The following MACROD1 variants were observed in gnomAD, a reference collection of about 807,000 sequenced individuals.
MACROD1 encodes mono-ADP ribosylhydrolase 1, also known as ADP-ribose glycohydrolase MACROD1.
In MACROD1, 31 loss-of-function variants were observed where a neutral mutation model predicts 41.4. That is an observed-to-expected ratio of 0.75 (90% CI 0.56 to 1.01). The LOEUF (loss-of-function observed/expected upper bound fraction) is 1.01. MACROD1 is among the 50% of genes least tolerant of loss of function. MACROD1 has a pLI of 0.00. For missense variants in MACROD1, 473 were observed against 460.0 expected, an observed-to-expected ratio of 1.03 and a Z score of -0.26; for synonymous variants, 252 against 203.4, an observed-to-expected ratio of 1.24 and a Z score of -2.03.
chr11:64,020,048 A>G (rs1289256172), intron 3 of MACROD1, among the ~76,000 whole-genome samples: 3 of 152,188 alleles, frequency 2.0e-5, no homozygotes, highest in African/African-American at 7.2e-5. Flanking sequence ...GGGGCCCACA[A>G]AGATGTTGCA....
intron 3 of MACROD1, among the ~76,000 whole-genome samples, chr11:64,123,843 T>C (rs1393753832): frequency 6.6e-6 from 1 of 152,116 alleles, no homozygotes; most frequent in East Asian, 1.9e-4. Context: ...AGAGAAACTC[T>C]AGCCCAGCAA....
At chr11:64,124,272 G>A (rs1018822561) in intron 3 of MACROD1, among the ~76,000 whole-genome samples, 1 of 152,196 alleles carries the variant, frequency 6.6e-6, no homozygotes, top group Non-Finnish European at 1.5e-5. Flanking sequence ...CAGCTCCGAA[G>A]CCCAGGCTGC....
At chr11:64,101,319 G>A (rs562644863) in intron 3 of MACROD1, among the ~76,000 whole-genome samples, 16 of 152,242 alleles carry the variant, frequency 1.1e-4, no homozygotes, top group South Asian at 6.2e-4. Context: ...GCTATGGGAC[G>A]CTCTCAGGAT....
intron 3 of MACROD1, among the ~76,000 whole-genome samples, chr11:64,063,709 G>C (rs961908897): frequency 6.6e-6 from 1 of 152,188 alleles, no homozygotes; most frequent in Non-Finnish European, 1.5e-5. Context: ...ACCTCAGCGG[G>C]TGCTGAAACC....
chr11:64,102,321 C>T (rs572740326), intron 3 of MACROD1, among the ~76,000 whole-genome samples: 250 of 152,294 alleles, frequency 1.6e-3, no homozygotes, highest in Non-Finnish European at 3.0e-3. Context: ...CCCTGCCCTC[C>T]GTCTGTGTGG....
rs919806852 is a variant in MACROD1, at chr11:64,037,929, T to C, written c.518-22648A>G. ...CCAGGGTGCTGCTTTGTAAGTGCAT[T>C]TGACGCATGTTGTTAGTGGTCCTGC... On this transcript the variant is annotated intron_variant, in intron 3 of 10. Transcript: ENST00000255681. 1.8e-4 allele frequency among the ~76,000 whole-genome samples: 27 copies of C among 152,350 alleles called. 1 individual carries two copies. Among genetic ancestry groups the C allele is most frequent in the Admixed American group, 1.0e-3 (16 of 15,312 alleles).
At chr11:63,998,812 G>GCCGCA in intron 10 of MACROD1, 26 bp downstream of exon 10, 1 of 1,504,884 alleles carries the variant, frequency 6.6e-7, no homozygotes, top group Non-Finnish European at 8.8e-7. Context: ...GGCCGGGGCC[G>GCCGCA]CCGCACGGGG....
intron 3 of MACROD1, among the ~76,000 whole-genome samples, chr11:64,150,902 G>A (rs1945565343): frequency 6.6e-6 from 1 of 152,344 alleles, no homozygotes; most frequent in Admixed American, 6.5e-5. Context: ...GAAGGCAGGT[G>A]CTGGTTGGGG....
intron 3 of MACROD1, among the ~76,000 whole-genome samples, chr11:64,088,430 G>A (rs1590890419): frequency 6.6e-6 from 1 of 152,198 alleles, no homozygotes; most frequent in East Asian, 1.9e-4. Flanking sequence ...TCCTCCCTGT[G>A]AGCCCTGCAG....
rs1422542186 is a variant in MACROD1 at position 64,082,691 on chromosome 11, A to C, written c.518-67410T>G. Among the ~76,000 whole-genome samples, 3 of 152,096 alleles carry C rather than the reference A, an allele frequency of 2.0e-5. No individual in the cohort carries two copies. Among genetic ancestry groups the C allele is most frequent in the Non-Finnish European group, 4.4e-5 (3 of 67,996 alleles). Reference sequence around the variant, plus strand: ...AGACCCCTGTCCTGCTCCACCCTGCAGGCCCCTGGGTCTCACACAAGGAAT... The same window carrying C: ...AGACCCCTGTCCTGCTCCACCCTGCCGGCCCCTGGGTCTCACACAAGGAAT... On this transcript the variant is annotated intron_variant, in intron 3 of 10. Transcript: ENST00000255681. This position sits in a 1 kb window ranked among gnomAD's most constrained non-coding sequence, Gnocchi z 4.5.
rs150772900 is a variant in MACROD1 at position 64,118,242 on chromosome 11, C to T, written c.517+32997G>A. The T allele has an allele frequency of 1.1e-5, 18 of 1,605,034 alleles. No individual in the cohort carries two copies. The highest frequency in any genetic ancestry group is 6.7e-5 in the Admixed American group (4 of 59,604). On this transcript the variant is annotated intron_variant, in intron 3 of 10. Transcript: ENST00000255681. ...ACACACCATTGGCTACGGCACCACG[C>T]GGGGCTACCGGGACGGCGGCATCCC...
At chr11:64,029,671 C>T (rs1943268791) in intron 3 of MACROD1, among the ~76,000 whole-genome samples, 1 of 152,022 alleles carries the variant, frequency 6.6e-6, no homozygotes, top group African/African-American at 2.4e-5. Flanking sequence ...CCCTCTCGGA[C>T]CCATGCCCAT....
At chr11:64,149,146 C>T (rs145605601) in intron 3 of MACROD1, 18 of 435,852 alleles carry the variant, frequency 4.1e-5, no homozygotes, top group Non-Finnish European at 4.6e-5. Flanking sequence ...CCCTCGGCAC[C>T]GCTGGGACAG....
chr11:64,138,613 G>A (rs929817726), intron 3 of MACROD1: 4 of 930,202 alleles, frequency 4.3e-6, no homozygotes, highest in East Asian at 1.2e-4. Context: ...GCTGACAGCC[G>A]GGCCTCTCTC....
At chr11:63,999,931 G>T in intron 5 of MACROD1, 168 bp from the exon 6 acceptor site, 1 of 763,062 alleles carries the variant, frequency 1.3e-6, no homozygotes, top group Non-Finnish European at 2.1e-6. Flanking sequence ...GCCCGAATCC[G>T]CACGCGCACA....
chr11:64,113,083 C>T (rs555446865), intron 3 of MACROD1, among the ~76,000 whole-genome samples: 71 of 152,292 alleles, frequency 4.7e-4, no homozygotes, highest in Non-Finnish European at 7.3e-5. Flanking sequence ...AAGATTCTGG[C>T]CTCCTCCCTA....
chr11:64,088,073 C>A (rs1192882313), intron 3 of MACROD1, among the ~76,000 whole-genome samples: 1 of 152,190 alleles, frequency 6.6e-6, no homozygotes. Context: ...TCCCCTGGCT[C>A]TTCCCATAGG....
chr11:64,116,627 G>A, intron 3 of MACROD1: 1 of 1,614,180 alleles, frequency 6.2e-7, no homozygotes, highest in Non-Finnish European at 8.5e-7. Flanking sequence ...ACCTGGATGA[G>A]TTCCCCATCA....
At chr11:64,008,369 C>A (rs1287650782) in intron 4 of MACROD1, among the ~76,000 whole-genome samples, 1 of 151,912 alleles carries the variant, frequency 6.6e-6, no homozygotes, top group Non-Finnish European at 1.5e-5. Context: ...GGCTTCTGAG[C>A]AGGTGAGGGA....
Sources: gnomAD v4.1 joint callset for allele counts (sites outside exome capture counted in the v4.1 genomes callset) on GRCh38, gnomAD v4.1.1 for gene constraint, Gnocchi (gnomAD v3.1) non-coding constraint, MANE v1.5 for transcripts, NCBI Gene and HGNC (gene_info 2026-07-23, HGNC 2026-07-21) for gene names.